LUC7L2: variants seen among roughly 807,000 people sequenced by gnomAD.
LUC7L2 encodes LUC7 like 2, pre-mRNA splicing factor, also known as putative RNA-binding protein Luc7-like 2.
LUC7L2 carries 25 observed loss-of-function variants against 52.8 expected under a neutral mutation model. The observed-to-expected ratio is 0.47, with a 90% CI of 0.34 to 0.66. LUC7L2 has a LOEUF of 0.66. Among genes scored for constraint, LUC7L2 ranks in the 30% least tolerant of loss-of-function variants. The pLI is 0.01. For synonymous variants in LUC7L2, 144 were observed against 160.9 expected, an observed-to-expected ratio of 0.89 and a Z score of 0.80; for missense variants, 328 against 497.8, an observed-to-expected ratio of 0.66 and a Z score of 3.25.
chr7:139,343,926 CAAAAAAAAAAA>C (rs1163028006), intron 1 of LUC7L2, among the ~76,000 whole-genome samples: 4 of 104,894 alleles, frequency 3.8e-5, no homozygotes, highest in Non-Finnish European at 9.0e-5. Context: ...ACCCTGTCCC[CAAAAAAAAAAA>C]AAAAAAAAAG....
At chr7:139,345,503 C>T (rs1799229682) in intron 1 of LUC7L2, 2 of 1,614,048 alleles carry the variant, frequency 1.2e-6, no homozygotes, top group Admixed American at 1.7e-5. Context: ...TTCTCTAGGT[C>T]ACCAGTGAAA....
intron 2 of LUC7L2, among the ~76,000 whole-genome samples, chr7:139,394,985 G>GT (rs958797865): frequency 4.6e-5 from 7 of 152,142 alleles, no homozygotes; most frequent in Non-Finnish European, 1.0e-4. Flanking sequence ...AATTGGGACT[G>GT]TTTTTTAAAA....
At chr7:139,365,598 A>G (rs1800115240) in intron 1 of LUC7L2, among the ~76,000 whole-genome samples, 1 of 152,078 alleles carries the variant, frequency 6.6e-6, no homozygotes, top group Admixed American at 6.5e-5. Context: ...AGCAAGCAGG[A>G]GGGTTGAGAA....
At chr7:139,387,115 C>T (rs576915749) in intron 2 of LUC7L2, among the ~76,000 whole-genome samples, 5 of 152,240 alleles carry the variant, frequency 3.3e-5, no homozygotes, top group African/African-American at 9.6e-5. Flanking sequence ...GCTGGGATTA[C>T]AGGCATGAGC....
At chr7:139,348,799 C>G (rs1286521704) in intron 1 of LUC7L2, among the ~76,000 whole-genome samples, 1 of 152,066 alleles carries the variant, frequency 6.6e-6, no homozygotes, top group Non-Finnish European at 1.5e-5. Flanking sequence ...TTGACCTGTG[C>G]TTTTTCCTCC....
At chr7:139,365,805 G>A (rs556609102) in intron 1 of LUC7L2, among the ~76,000 whole-genome samples, 1 of 152,316 alleles carries the variant, frequency 6.6e-6, no homozygotes, top group East Asian at 1.9e-4. Context: ...ACTATAAGAA[G>A]GTGAAGGAAG....
intron 5 of LUC7L2, 152 bp from the exon 6 acceptor site, chr7:139,407,022 T>TTTCTG: frequency 3.1e-6 from 1 of 319,780 alleles, no homozygotes; most frequent in Non-Finnish European, 5.1e-6. Flanking sequence ...TTTTTTTTTT[T>TTTCTG]GAGCTGGAGT....
chr7:139,387,434 C>G (rs566434091), intron 2 of LUC7L2, among the ~76,000 whole-genome samples: 1 of 152,148 alleles, frequency 6.6e-6, no homozygotes, highest in Non-Finnish European at 1.5e-5. Context: ...CTCACCTTGG[C>G]CTTCCAAAGT....
chr7:139,358,132 G>A (rs957794525), upstream of LUC7L2, among the ~76,000 whole-genome samples: 44 of 151,876 alleles, frequency 2.9e-4, no homozygotes, highest in African/African-American at 5.1e-4. Flanking sequence ...CTCAGCCTCC[G>A]AGTAGCTGGG....
chr7:139,359,637 C>A (rs1316061517), upstream of LUC7L2: 2 of 397,458 alleles, frequency 5.0e-6, no homozygotes, highest in Non-Finnish European at 8.9e-6. Context: ...GCGGGCAGCG[C>A]AGCCTTAGCC....
At chr7:139,346,352 C>T (rs1357223616) in intron 1 of LUC7L2, 2 of 152,074 alleles carry the variant, frequency 1.3e-5, no homozygotes, top group Admixed American at 6.5e-5. Flanking sequence ...GTCCCCATTA[C>T]CAGGTGGTCA....
At chr7:139,404,831 G>C (rs761418358) in intron 4 of LUC7L2, among the ~76,000 whole-genome samples, 1 of 152,180 alleles carries the variant, frequency 6.6e-6, no homozygotes, top group African/African-American at 2.4e-5. Flanking sequence ...TTGTGGGATA[G>C]GTACTTCTTA....
At chr7:139,413,284 C>T (rs2081485292) in intron 8 of LUC7L2, among the ~76,000 whole-genome samples, 1 of 152,202 alleles carries the variant, frequency 6.6e-6, no homozygotes, top group South Asian at 2.1e-4. Context: ...CTCAGTTCTT[C>T]ACTTGCCCTT....
intron 2 of LUC7L2, among the ~76,000 whole-genome samples, chr7:139,387,995 G>A (rs1375881339): frequency 6.6e-6 from 1 of 151,924 alleles, no homozygotes; most frequent in Non-Finnish European, 1.5e-5. Context: ...TCTCATTTTT[G>A]TTTACACTCT....
intron 1 of LUC7L2, among the ~76,000 whole-genome samples, chr7:139,342,237 T>C (rs190331506): frequency 3.9e-5 from 6 of 152,224 alleles, no homozygotes; most frequent in Admixed American, 6.5e-5. Context: ...TACAGTAAAG[T>C]ACTGAGGATA....
intron 2 of LUC7L2, among the ~76,000 whole-genome samples, chr7:139,376,583 A>T (rs2131216112): frequency 6.6e-6 from 1 of 152,336 alleles, no homozygotes. Context: ...ACTTATATCC[A>T]CACAGCTTAA....
At chr7:139,365,208 G>A (rs1214377855) in intron 1 of LUC7L2, among the ~76,000 whole-genome samples, 1 of 152,156 alleles carries the variant, frequency 6.6e-6, no homozygotes, top group South Asian at 2.1e-4. Flanking sequence ...TATCTACACA[G>A]CAGCCCAGAA....
In LUC7L2 at chr7:139,400,494, G is replaced by A. The variant is rs922734037; in HGVS notation, c.256-1643G>A. Among the ~76,000 whole-genome samples, 5 of 152,154 alleles carry A rather than the reference G, an allele frequency of 3.3e-5. No individual in the cohort carries two copies. The South Asian group carries it at 1.0e-3, about 32-fold the overall frequency. ...TGTGCTCCAGCTTGGGGGACAGAGC[G>A]AGACTCTGTCTCAAAACACAAACAG... On this transcript the variant is annotated intron_variant, in intron 3 of 9. Transcript: ENST00000354926.
intron 2 of LUC7L2, chr7:139,392,531 C>G (rs1324731938): frequency 3.6e-6 from 1 of 274,180 alleles, no homozygotes; most frequent in Non-Finnish European, 7.4e-6. Context: ...ATGGAGAAGA[C>G]AAAATGCAGA....
Sources: allele counts gnomAD v4.1 joint callset (sites outside exome capture counted in the v4.1 genomes callset), GRCh38; gene constraint gnomAD v4.1.1; transcripts MANE v1.5; gene names NCBI Gene and HGNC (gene_info 2026-07-23, HGNC 2026-07-21).